FGF14: variants seen among roughly 807,000 people sequenced by gnomAD.
FGF14 encodes the protein fibroblast growth factor homologous factor 4.
Under a neutral mutation model 25.5 loss-of-function variants are expected in FGF14, and 5 were observed. The observed-to-expected ratio is 0.20, with a 90% CI of 0.10 to 0.41. The LOEUF is 0.41. FGF14 is among the 10% of genes least tolerant of loss of function. The pLI, the probability that FGF14 is intolerant of heterozygous loss-of-function variation, is 1.00. For missense variants in FGF14, 222 were observed against 320.1 expected (o/e 0.69, Z 2.34); for synonymous variants, 138 against 118.3 (o/e 1.17, Z -1.08).
intron 1 of FGF14, among the ~76,000 whole-genome samples, chr13:102,352,738 G>T (rs531683511): frequency 1.8e-4 from 27 of 151,660 alleles, no homozygotes; most frequent in African/African-American, 6.5e-4. Flanking sequence ...CGTGAACCCA[G>T]GAGGCGGAGC....
chr13:102,370,967 T>C (rs1488917345), intron 1 of FGF14, among the ~76,000 whole-genome samples: 9 of 151,940 alleles, frequency 5.9e-5, no homozygotes, highest in Non-Finnish European at 1.2e-4. Flanking sequence ...GAAAAATTGT[T>C]CAAATCCTAA....
intron 1 of FGF14, among the ~76,000 whole-genome samples, chr13:102,199,706 T>G (rs975815411): frequency 1.3e-5 from 2 of 152,226 alleles, no homozygotes; most frequent in African/African-American, 4.8e-5. Context: ...GTCTACACTC[T>G]AATCTCACGC....
intron 1 of FGF14, among the ~76,000 whole-genome samples, chr13:102,252,937 G>C (rs2052256178): frequency 6.6e-6 from 1 of 152,132 alleles, no homozygotes; most frequent in South Asian, 2.1e-4. Flanking sequence ...TTCTGTTCTT[G>C]TATTAGTTTG....
chr13:101,722,924 C>G lies in FGF14; in HGVS notation c.651G>C (p.Thr217=). The G allele has an allele frequency of 6.2e-7, 1 of 1,613,216 alleles. No homozygotes were observed. Among genetic ancestry groups the G allele is most frequent in the Non-Finnish European group, 8.5e-7 (1 of 1,179,526 alleles). Residue 217 remains threonine (T), a synonymous_variant, in exon 5 of 5, where the codon ACG becomes ACC. Transcript: ENST00000376143. ...REPSLHDVGE[T]VPKPGVTPSK... ...TTGGCGTCACCCCAGGCTTCGGGAC[C>G]GTTTCCCCAACATCATGCAAAGATG...
chr13:101,795,174 T>TA (rs1444912285), intron 3 of FGF14, among the ~76,000 whole-genome samples: 5 of 152,104 alleles, frequency 3.3e-5, no homozygotes, highest in African/African-American at 1.2e-4. Context: ...TCACAGACAA[T>TA]ATGCATTCAC....
intron 1 of FGF14, among the ~76,000 whole-genome samples, chr13:102,343,768 T>C (rs1033174045): frequency 3.3e-5 from 5 of 152,190 alleles, no homozygotes; most frequent in Admixed American, 2.6e-4. Flanking sequence ...AAGGTTAATA[T>C]GTTTTTTAAT....
At chr13:102,200,501 C>G (rs1042455410) in intron 1 of FGF14, among the ~76,000 whole-genome samples, 21 of 152,118 alleles carry the variant, frequency 1.4e-4, no homozygotes, top group African/African-American at 5.1e-4. Context: ...AGAATATTCC[C>G]AAGACCTCTA....
chr13:101,997,329 G>A (rs1204797112), intron 1 of FGF14, among the ~76,000 whole-genome samples: 1 of 152,126 alleles, frequency 6.6e-6, no homozygotes, highest in Non-Finnish European at 1.5e-5. Context: ...TGGACTTGGA[G>A]CTCTCAGATA....
intron 1 of FGF14, among the ~76,000 whole-genome samples, chr13:102,179,421 C>T (rs1306721654): frequency 1.3e-5 from 2 of 152,052 alleles, no homozygotes; most frequent in Non-Finnish European, 2.9e-5. Flanking sequence ...GTTTGGGGAC[C>T]ACACAATCTT....
intron 1 of FGF14, among the ~76,000 whole-genome samples, chr13:102,369,845 A>G (rs1210621043): frequency 6.6e-6 from 1 of 152,226 alleles, no homozygotes; most frequent in Non-Finnish European, 1.5e-5. Context: ...AAGTCCTTAC[A>G]TATAAAGCAT....
At chr13:101,851,186 G>T (rs915353219) in intron 3 of FGF14, among the ~76,000 whole-genome samples, 7 of 151,972 alleles carry the variant, frequency 4.6e-5, no homozygotes, top group Admixed American at 2.0e-4. Flanking sequence ...TATAAAGAGG[G>T]ACAATGAACA....
chr13:101,930,800 T>C (rs140118744), intron 1 of FGF14, among the ~76,000 whole-genome samples: 633 of 152,324 alleles, frequency 4.2e-3, no homozygotes, highest in Non-Finnish European at 6.6e-3. Flanking sequence ...TTCCAGAGGC[T>C]AGTTTGTTAA....
intron 1 of FGF14, among the ~76,000 whole-genome samples, chr13:102,027,412 G>T (rs902810392): frequency 6.6e-6 from 1 of 151,708 alleles, no homozygotes; most frequent in Non-Finnish European, 1.5e-5. Context: ...AATGAGAAAG[G>T]GGGATACATA....
At chr13:102,145,634 T>G (rs762025149) in intron 1 of FGF14, among the ~76,000 whole-genome samples, 8 of 152,190 alleles carry the variant, frequency 5.3e-5, no homozygotes, top group Non-Finnish European at 1.0e-4. Context: ...AGTCTTTATA[T>G]TGCAAAATCA....
At chr13:101,910,328 A>C (rs1225926835) in intron 1 of FGF14, among the ~76,000 whole-genome samples, 2 of 152,210 alleles carry the variant, frequency 1.3e-5, no homozygotes, top group Non-Finnish European at 2.9e-5. Context: ...GCGTTCATTT[A>C]TCTCAATTGT....
chr13:102,280,713 A>AGATAAAGAAATAAGTATGCG (rs2053787797), intron 1 of FGF14, among the ~76,000 whole-genome samples: 1 of 152,034 alleles, frequency 6.6e-6, no homozygotes, highest in African/African-American at 2.4e-5. Flanking sequence ...TGGAGTATGC[A>AGATAAAGAAATAAGTATGCG]TGAGATAAAG....
chr13:102,314,863 G>A (rs532946311), intron 1 of FGF14, among the ~76,000 whole-genome samples: 2 of 151,562 alleles, frequency 1.3e-5, no homozygotes, highest in African/African-American at 4.8e-5. Flanking sequence ...TAAATATAAT[G>A]TTTTATTGAT....
rs2034436709 is a variant in FGF14, at chr13:101,710,929, A to T, written c.*11902T>A. 1 of 152,236 alleles carries T rather than the reference A, an allele frequency of 6.6e-6. No individual in the cohort carries two copies. The highest frequency in any genetic ancestry group is 1.5e-5 in the Non-Finnish European group (1 of 68,036). The allele number at this position is 152,236 out of a possible 1,614,324, so 9.4% of individuals were successfully genotyped here. On this transcript the variant is annotated 3_prime_UTR_variant, in exon 5 of 5. Coordinates refer to ENST00000376143, the MANE Select transcript of FGF14 (RefSeq NM_004115.4). ...CATAACAGATGGAGTAGTTAGTACA[A>T]TAGTGAAAACTGCCTGCTGGGATGT...
intron 1 of FGF14, among the ~76,000 whole-genome samples, chr13:102,087,935 T>C (rs557183548): frequency 6.6e-6 from 1 of 152,194 alleles, no homozygotes; most frequent in African/African-American, 2.4e-5. Context: ...TGTATGCAGA[T>C]GTTTGCCTGA....
Sources: gnomAD v4.1 joint callset for allele counts (sites outside exome capture counted in the v4.1 genomes callset) on GRCh38, gnomAD v4.1.1 for gene constraint, MANE v1.5 for transcripts, NCBI Gene and HGNC (gene_info 2026-07-23, HGNC 2026-07-21) for gene names.